Variants in OPN5 observed in about 807,000 individuals in gnomAD.
OPN5 encodes the protein opsin 5.
Under a neutral mutation model 41.7 loss-of-function variants are expected in OPN5, and 18 were observed. That is an observed-to-expected ratio of 0.43 (90% CI 0.30 to 0.64). The LOEUF (loss-of-function observed/expected upper bound fraction) is 0.64. Ranked by LOEUF, OPN5 falls within the 30% of genes least tolerant of loss-of-function variation. The pLI, the probability that OPN5 is intolerant of heterozygous loss-of-function variation, is 0.13. For missense variants in OPN5, 318 were observed against 434.5 expected, an observed-to-expected ratio of 0.73 and a Z score of 2.38; for synonymous variants, 178 against 164.3, an observed-to-expected ratio of 1.08 and a Z score of -0.64.
chr6:47,795,052 G>T, intron 3 of OPN5, 177 bp from the exon 4 acceptor site: 1 of 550,914 alleles, frequency 1.8e-6, no homozygotes, highest in Non-Finnish European at 3.2e-6. Context: ...CTGGAGAAAG[G>T]CCCAAGCTCT....
intron 4 of OPN5, among the ~76,000 whole-genome samples, chr6:47,800,065 G>T (rs79230967): frequency 5.8e-4 from 88 of 152,176 alleles, no homozygotes; most frequent in African/African-American, 2.0e-3. Context: ...AGGTACTTTT[G>T]CTTCTAAAAA....
At chr6:47,813,915 T>TG (rs1449198246) in intron 6 of OPN5, among the ~76,000 whole-genome samples, 1 of 151,976 alleles carries the variant, frequency 6.6e-6, no homozygotes, top group Admixed American at 6.6e-5. Flanking sequence ...GTGAATGGGA[T>TG]GGGGGAGAGA....
At chr6:47,790,392 A>G (rs1263840353) in intron 2 of OPN5, among the ~76,000 whole-genome samples, 5 of 151,712 alleles carry the variant, frequency 3.3e-5, no homozygotes, top group Admixed American at 1.3e-4. Context: ...TTCAGGGGAC[A>G]CTCTCTCTCT....
At chr6:47,808,115 G>A in intron 4 of OPN5, 39 bp from the exon 5 acceptor site, 2 of 1,610,836 alleles carry the variant, frequency 1.2e-6, no homozygotes, top group Non-Finnish European at 1.7e-6. Flanking sequence ...TCCTTTATCA[G>A]TCATCTTGAT....
chr6:47,797,242 G>C (rs575931759), intron 4 of OPN5, among the ~76,000 whole-genome samples: 35 of 152,324 alleles, frequency 2.3e-4, no homozygotes, highest in African/African-American at 8.2e-4. Context: ...ATGCCAAGTA[G>C]AGGAAGCTTT....
intron 6 of OPN5, among the ~76,000 whole-genome samples, chr6:47,817,590 A>G (rs1762469000): frequency 6.6e-6 from 1 of 152,096 alleles, no homozygotes; most frequent in South Asian, 2.1e-4. Flanking sequence ...AAAGAACTTG[A>G]GCCCCATGCC....
chr6:47,807,956 A>G (rs924500909), intron 4 of OPN5, among the ~76,000 whole-genome samples, 198 bp from the exon 5 acceptor site: 1 of 151,222 alleles, frequency 6.6e-6, no homozygotes, highest in African/African-American at 2.4e-5. Flanking sequence ...TAAATGGGAT[A>G]AAAAATTGTA....
chr6:47,806,590 A>G (rs574431649), intron 4 of OPN5, among the ~76,000 whole-genome samples: 1 of 152,306 alleles, frequency 6.6e-6, no homozygotes, highest in South Asian at 2.1e-4. Flanking sequence ...ATTTTACTCT[A>G]CAGGCTAATC....
intron 4 of OPN5, among the ~76,000 whole-genome samples, chr6:47,804,792 T>A (rs1355394383): frequency 6.6e-6 from 1 of 152,252 alleles, no homozygotes; most frequent in Non-Finnish European, 1.5e-5. Context: ...ATTCATTTGC[T>A]ATGTGTTTGT....
At chr6:47,796,983 C>A (rs1561894579) in intron 4 of OPN5, among the ~76,000 whole-genome samples, 1 of 152,196 alleles carries the variant, frequency 6.6e-6, no homozygotes, top group Non-Finnish European at 1.5e-5. Flanking sequence ...GGCAAGAGAG[C>A]ATGTGCAGGG....
In OPN5 at chr6:47,823,853, A is replaced by T. The variant is rs566736767; in HGVS notation, c.1057-130A>T. ...TTCGGGGAGAAGCCATCTCAGTGAC[A>T]ATGTCCATCGCAATCCTGGTTCTTT... On this transcript the variant is annotated intron_variant, in intron 6 of 6. Coordinates refer to ENST00000371211, the Ensembl canonical transcript of OPN5. The T allele has an allele frequency of 7.9e-4, 569 of 724,776 alleles. 1 individual carries two copies. The African/African-American group carries it at 8.6e-3, about 11-fold the overall frequency. The allele number at this position is 724,776 out of a possible 1,614,324, so 44.9% of individuals were successfully genotyped here.
At chr6:47,810,880 T>C (rs1283177234) in intron 5 of OPN5, among the ~76,000 whole-genome samples, 1 of 152,180 alleles carries the variant, frequency 6.6e-6, no homozygotes, top group Admixed American at 6.5e-5. Context: ...TGGAGACACC[T>C]GGGGAATTTT....
intron 4 of OPN5, among the ~76,000 whole-genome samples, chr6:47,800,866 A>G (rs1044821324): frequency 5.3e-5 from 8 of 152,228 alleles, no homozygotes; most frequent in Non-Finnish European, 1.2e-4. Flanking sequence ...TCCCAGAAGC[A>G]TGAATTAGTT....
chr6:47,819,861 A>T (rs897627184), intron 6 of OPN5, among the ~76,000 whole-genome samples: 1 of 152,236 alleles, frequency 6.6e-6, no homozygotes, highest in Admixed American at 6.5e-5. Context: ...TAAAGTTTGT[A>T]TAAAAGGTTG....
intron 2 of OPN5, 126 bp from the exon 3 acceptor site, chr6:47,791,676 A>G: frequency 1.4e-6 from 1 of 703,500 alleles, no homozygotes. Context: ...AATCTGTGTA[A>G]TCAAGGGTGT....
chr6:47,783,490 T>C (rs1773128608), intron 1 of OPN5, among the ~76,000 whole-genome samples: 1 of 152,212 alleles, frequency 6.6e-6, no homozygotes, highest in Non-Finnish European at 1.5e-5. Context: ...TAGAAAATAC[T>C]TGATATCCCT....
chr6:47,812,665 C>G (rs1287631278), intron 6 of OPN5, among the ~76,000 whole-genome samples: 1 of 151,996 alleles, frequency 6.6e-6, no homozygotes, highest in Non-Finnish European at 1.5e-5. Context: ...ATTATCTTTT[C>G]TCCTAATCTG....
At chr6:47,795,038 T>C in intron 3 of OPN5, 191 bp from the exon 4 acceptor site, 1 of 514,680 alleles carries the variant, frequency 1.9e-6, no homozygotes. Context: ...CCAATTGTGT[T>C]CTCCTGGAGA....
intron 4 of OPN5, among the ~76,000 whole-genome samples, chr6:47,804,488 A>C (rs1234924325): frequency 2.0e-5 from 3 of 152,210 alleles, no homozygotes; most frequent in African/African-American, 7.2e-5. Context: ...TGAGTAGAAA[A>C]TGCTGACAAA....
Sources: allele counts gnomAD v4.1 joint callset (sites outside exome capture counted in the v4.1 genomes callset), GRCh38; gene constraint gnomAD v4.1.1; transcripts MANE v1.5; gene names NCBI Gene and HGNC (gene_info 2026-07-23, HGNC 2026-07-21).